ALDH9A1: variants seen among roughly 807,000 people sequenced by gnomAD.
The protein encoded by ALDH9A1 is aldehyde dehydrogenase 9 family member A1.
In ALDH9A1, 42 loss-of-function variants were observed where a neutral mutation model predicts 56.6. The ratio of observed to expected loss-of-function variants is 0.74; its 90% CI spans 0.58 to 0.96. The LOEUF (loss-of-function observed/expected upper bound fraction) is 0.96, where lower values mean the gene tolerates loss of function less well. Ranked by LOEUF, ALDH9A1 falls within the 40% of genes least tolerant of loss-of-function variation. The pLI, the probability that ALDH9A1 is intolerant of heterozygous loss-of-function variation, is 0.00. For synonymous variants in ALDH9A1, 242 were observed against 236.0 expected (o/e 1.03, Z -0.23); for missense variants, 661 against 651.5 (o/e 1.01, Z -0.16).
intron 6 of ALDH9A1, among the ~76,000 whole-genome samples, chr1:165,674,998 G>T (rs1649303753): frequency 6.6e-6 from 1 of 152,286 alleles, no homozygotes; most frequent in African/African-American, 2.4e-5. Flanking sequence ...TTCAAGACCA[G>T]CCTGGCCAAC....
At chr1:165,681,261 T>C (rs1350191505) in intron 4 of ALDH9A1, among the ~76,000 whole-genome samples, 5 of 152,232 alleles carry the variant, frequency 3.3e-5, no homozygotes, top group African/African-American at 1.2e-4. Flanking sequence ...CAGTCTCACA[T>C]TTGCATATCT....
rs1411190206 is a variant in ALDH9A1, at chr1:165,675,259, C to CTA, written c.930+4182_930+4183insTA. 4.9e-4 allele frequency among the ~76,000 whole-genome samples: 74 copies of CTA among 151,616 alleles called. 1 individual carries two copies. The highest frequency in any genetic ancestry group is 1.7e-3 in the African/African-American group (72 of 41,318). ...CAATTATTTTTAGTGCTCTCTCTCTCTCTCTATATATATATAAAGTATACA... is the reference window on the plus strand; with the variant it reads ...CAATTATTTTTAGTGCTCTCTCTCTCTATCTCTATATATATATAAAGTATACA... On this transcript the variant is annotated intron_variant, in intron 6 of 10. Coordinates refer to ENST00000354775, the MANE Select transcript of ALDH9A1 (RefSeq NM_000696.4).
At chr1:165,676,410 TA>T in intron 6 of ALDH9A1, 1 of 193,002 alleles carries the variant, frequency 5.2e-6, no homozygotes, top group Non-Finnish European at 1.1e-5. Context: ...TGCAAATCTA[TA>T]AGAAAGGCAA....
chr1:165,677,287 G>A (rs1476347798), intron 6 of ALDH9A1, among the ~76,000 whole-genome samples: 2 of 152,098 alleles, frequency 1.3e-5, no homozygotes, highest in African/African-American at 2.4e-5. Context: ...GACCTTGGAG[G>A]GGCCGAGATT....
At chr1:165,690,307 T>TGAC (rs1359265407) in intron 2 of ALDH9A1, among the ~76,000 whole-genome samples, 2 of 151,974 alleles carry the variant, frequency 1.3e-5, no homozygotes, top group Admixed American at 1.3e-4. Flanking sequence ...AACATACTTA[T>TGAC]GACAAAAAGT....
At chr1:165,687,316 C>T (rs1413700700) in intron 2 of ALDH9A1, among the ~76,000 whole-genome samples, 1 of 151,204 alleles carries the variant, frequency 6.6e-6, no homozygotes, top group African/African-American at 2.4e-5. Context: ...CTAAAGAAAT[C>T]ATGGCCAAAT....
At chr1:165,689,619 G>A (rs924415551) in intron 2 of ALDH9A1, among the ~76,000 whole-genome samples, 9 of 152,124 alleles carry the variant, frequency 5.9e-5, no homozygotes, top group East Asian at 3.9e-4. Flanking sequence ...CTCACTCACC[G>A]TGGTGACCGG....
At chr1:165,686,312 G>A (rs992897498) in intron 2 of ALDH9A1, among the ~76,000 whole-genome samples, 2 of 152,042 alleles carry the variant, frequency 1.3e-5, no homozygotes, top group Non-Finnish European at 2.9e-5. Context: ...GCTAGGTGGC[G>A]CCCAGCAGAC....
chr1:165,669,688 T>C (rs1237148541), intron 6 of ALDH9A1, among the ~76,000 whole-genome samples: 1 of 152,160 alleles, frequency 6.6e-6, no homozygotes, highest in Non-Finnish European at 1.5e-5. Flanking sequence ...GTTCTTATTT[T>C]GCTTGTTTAA....
chr1:165,690,556 T>C (rs540532939), intron 2 of ALDH9A1, among the ~76,000 whole-genome samples: 155 of 152,244 alleles, frequency 1.0e-3, no homozygotes, highest in African/African-American at 3.6e-3. Flanking sequence ...TTCATCTCAT[T>C]AGGACTGGTT....
At chr1:165,690,837 G>T (rs2101755890) in intron 2 of ALDH9A1, among the ~76,000 whole-genome samples, 1 of 152,320 alleles carries the variant, frequency 6.6e-6, no homozygotes, top group Non-Finnish European at 1.5e-5. Context: ...CCTGAGGCTT[G>T]ACTAGGTAAA....
intron 6 of ALDH9A1, among the ~76,000 whole-genome samples, chr1:165,675,835 G>A (rs568659655): frequency 3.1e-4 from 47 of 152,196 alleles, no homozygotes; most frequent in African/African-American, 7.2e-4. Context: ...ATACTCTCAC[G>A]CTGAATATAA....
intron 2 of ALDH9A1, among the ~76,000 whole-genome samples, chr1:165,693,509 A>C (rs1649961496): frequency 6.6e-6 from 1 of 152,242 alleles, no homozygotes; most frequent in Admixed American, 6.5e-5. Context: ...TCAAACCCAC[A>C]ATGAGATACC....
intron 10 of ALDH9A1, among the ~76,000 whole-genome samples, chr1:165,663,829 T>C (rs1648918424): frequency 6.6e-6 from 1 of 152,240 alleles, no homozygotes; most frequent in Non-Finnish European, 1.5e-5. Flanking sequence ...AAAACCTCAC[T>C]CTGTCTTTTG....
chr1:165,669,222 A>C (rs748025050), intron 7 of ALDH9A1, 40 bp downstream of exon 7: 2 of 1,540,670 alleles, frequency 1.3e-6, no homozygotes, highest in Non-Finnish European at 1.8e-6. Flanking sequence ...GGAGTAGTAT[A>C]ATCTTCCCCA....
chr1:165,693,544 T>C lies in ALDH9A1; in HGVS notation c.327+1708A>G, dbSNP rs916138655. On this transcript the variant is annotated intron_variant, in intron 2 of 10. Coordinates refer to ENST00000354775, the MANE Select transcript of ALDH9A1 (RefSeq NM_000696.4). Reference sequence around the variant, plus strand: ...CATCTCACACCAGTTAGAATGGCAATCATTAAAAAGTCAGGAAACAACAGG... The same window carrying C: ...CATCTCACACCAGTTAGAATGGCAACCATTAAAAAGTCAGGAAACAACAGG... Among the ~76,000 whole-genome samples, 58 of 152,248 alleles carry C rather than the reference T, an allele frequency of 3.8e-4. 1 individual carries two copies. Among genetic ancestry groups the C allele is most frequent in the Middle Eastern group, 3.4e-3 (1 of 294 alleles).
Position 165,674,809 on chromosome 1 carries a change from TGCA to T in ALDH9A1, c.930+4630_930+4632del, listed in dbSNP as rs1349585095. ...GACATATCTGCACTCCCATGCTCAG[TGCA>T]GCATTATTCACAATAACCAAGATAA... On this transcript the variant is annotated intron_variant, in intron 6 of 10. Transcript: ENST00000354775. 9.9e-5 allele frequency among the ~76,000 whole-genome samples: 15 copies of T among 152,244 alleles called. No individual in the cohort carries two copies. In the East Asian group the frequency reaches 2.7e-3, roughly 27 times the overall value.
chr1:165,682,074 T>C, intron 4 of ALDH9A1, 33 bp downstream of exon 4: 4 of 1,611,684 alleles, frequency 2.5e-6, no homozygotes, highest in Non-Finnish European at 3.4e-6. Context: ...AATGAACGAA[T>C]GGCTCTCAAA....
At chr1:165,671,904 T>G (rs1006918994) in intron 6 of ALDH9A1, among the ~76,000 whole-genome samples, 2 of 152,202 alleles carry the variant, frequency 1.3e-5, no homozygotes, top group African/African-American at 4.8e-5. Context: ...AGATACCACT[T>G]CATACCCAAT....
Sources: allele counts gnomAD v4.1 joint callset (sites outside exome capture counted in the v4.1 genomes callset), GRCh38; gene constraint gnomAD v4.1.1; transcripts MANE v1.5; gene names NCBI Gene and HGNC (gene_info 2026-07-23, HGNC 2026-07-21).